Variants in HCFC2 observed in about 807,000 individuals in gnomAD.
The protein encoded by HCFC2 is host cell factor C2.
Under a neutral mutation model 89.2 loss-of-function variants are expected in HCFC2, and 18 were observed. The observed-to-expected ratio is 0.20, with a 90% confidence interval of 0.14 to 0.30. HCFC2 has a LOEUF of 0.30. Among genes scored for constraint, HCFC2 ranks in the 10% least tolerant of loss-of-function variants. The pLI, the probability that HCFC2 is intolerant of heterozygous loss-of-function variation, is 1.00. For missense variants in HCFC2, 578 were observed against 956.1 expected (o/e 0.60, Z 5.21); for synonymous variants, 308 against 335.7 (o/e 0.92, Z 0.90).
At position 104,090,268 on chromosome 12, in the gene HCFC2, A is replaced by G. The variant is rs538043891; in HGVS notation, c.1284+2230A>G. Reference sequence around the variant, plus strand: ...TCAGAAATTTATAGGCATTTTTTCTAGTGTCTTTTAGCATTCGGTGTTGGT... The same window carrying G: ...TCAGAAATTTATAGGCATTTTTTCTGGTGTCTTTTAGCATTCGGTGTTGGT... On this transcript the variant is annotated intron_variant, in intron 9 of 14. Coordinates refer to ENST00000229330, the MANE Select transcript of HCFC2 (RefSeq NM_013320.3). 3.9e-5 allele frequency among the ~76,000 whole-genome samples: 6 copies of G among 152,250 alleles called. No individual in the cohort carries two copies. The East Asian group carries it at 7.7e-4, about 20-fold the overall frequency.
At chr12:104,088,564 C>T (rs1210323158) in intron 9 of HCFC2, among the ~76,000 whole-genome samples, 2 of 152,142 alleles carry the variant, frequency 1.3e-5, no homozygotes, top group Non-Finnish European at 2.9e-5. Context: ...TAGAGACTAA[C>T]GAATATGCTT....
In HCFC2 at chr12:104,103,991, A is replaced by G. The variant is rs2030021752; in HGVS notation, c.*718A>G. 2 of 152,066 alleles carry G rather than the reference A, an allele frequency of 1.3e-5. No individual in the cohort carries two copies. The highest frequency in any genetic ancestry group is 2.1e-4 in the South Asian group (1 of 4,836). 9.4% of individuals were successfully genotyped at this position (152,066 alleles called of 1,614,324 possible). A position where few individuals can be genotyped will look rare whatever the true frequency, so the allele number is the denominator to read the frequency against. ...AACTTATCTGGCCCTCATTTTCCTC[A>G]TAACAGATGAGGGAGTTAAAGCAGT... On this transcript the variant is annotated 3_prime_UTR_variant, in exon 15 of 15. Transcript: ENST00000229330.
At chr12:104,099,617 T>A (rs2466554) in intron 13 of HCFC2, among the ~76,000 whole-genome samples, 29,222 of 144,376 alleles carry the variant, frequency 0.2, 3,211 homozygotes, top group East Asian at 0.41. Flanking sequence ...TCTCTAAATT[T>A]AAAAAAAAAA....
At position 104,103,896 on chromosome 12, in the gene HCFC2, A is replaced by G. The variant is rs1367125481; in HGVS notation, c.*623A>G. On this transcript the variant is annotated 3_prime_UTR_variant, in exon 15 of 15. Transcript: ENST00000229330. ...TTTCCAAGAATCATGGTAAAATACA[A>G]CAAGAACAATGAGTTTTCTTGATTC... is the stretch of plus-strand genomic sequence containing the variant. The G allele has an allele frequency of 6.6e-6, 1 of 152,112 alleles. No individual in the cohort carries two copies. The highest frequency in any genetic ancestry group is 2.4e-5 in the African/African-American group (1 of 41,454). The allele number at this position is 152,112 out of a possible 1,614,324, so 9.4% of individuals were successfully genotyped here.
At chr12:104,102,793 A>C (rs1242491222) in intron 14 of HCFC2, among the ~76,000 whole-genome samples, 166 bp from the exon 15 acceptor site, 1 of 152,190 alleles carries the variant, frequency 6.6e-6, no homozygotes, top group Non-Finnish European at 1.5e-5. Context: ...AACATTGTAG[A>C]TCCAAATGAG....
At chr12:104,073,110 C>T (rs117837007) in intron 3 of HCFC2, among the ~76,000 whole-genome samples, 6 of 148,250 alleles carry the variant, frequency 4.0e-5, no homozygotes, top group Non-Finnish European at 8.9e-5. Context: ...CTTAGGAGTT[C>T]TTTACATATA....
At chr12:104,069,072 G>A (rs1327259535) in intron 3 of HCFC2, among the ~76,000 whole-genome samples, 1 of 152,034 alleles carries the variant, frequency 6.6e-6, no homozygotes. Flanking sequence ...TTGGGAAGCC[G>A]AGGTGGGTGG....
rs1016443063 is a variant in HCFC2 at position 104,098,245 on chromosome 12, A to G, written c.1741-98A>G. On this transcript the variant is annotated intron_variant, in intron 12 of 14. Coordinates refer to ENST00000229330, the MANE Select transcript of HCFC2 (RefSeq NM_013320.3). ...TTGTTAATGTTGTGGTGTTTATCCA[A>G]ATACCTACTTGTAGATCACTGCATG... 8 of 894,388 alleles carry G rather than the reference A, an allele frequency of 8.9e-6. No homozygotes were observed. The African/African-American group carries it at 1.4e-4, about 15-fold the overall frequency. 55.4% of individuals were successfully genotyped at this position (894,388 alleles called of 1,614,324 possible).
intron 7 of HCFC2, among the ~76,000 whole-genome samples, chr12:104,084,752 C>T (rs1347125548): frequency 2.6e-5 from 4 of 152,026 alleles, no homozygotes; most frequent in Admixed American, 2.0e-4. Flanking sequence ...GTCAAAAAAG[C>T]GTTTTAGACT....
At chr12:104,074,977 A>G (rs529410445) in intron 3 of HCFC2, among the ~76,000 whole-genome samples, 6 of 152,226 alleles carry the variant, frequency 3.9e-5, no homozygotes, top group African/African-American at 1.4e-4. Flanking sequence ...GTATTGATCT[A>G]TTTAGGTTTT....
At chr12:104,070,898 G>A (rs1883302202) in intron 3 of HCFC2, among the ~76,000 whole-genome samples, 1 of 147,298 alleles carries the variant, frequency 6.8e-6, no homozygotes, top group African/African-American at 2.5e-5. Context: ...TCCGCCTCCC[G>A]GGTTCACGCC....
intron 14 of HCFC2, 23 bp downstream of exon 14, chr12:104,102,176 G>A: frequency 1.3e-6 from 2 of 1,589,156 alleles, no homozygotes; most frequent in East Asian, 4.5e-5. Flanking sequence ...GTCAAGACTT[G>A]TTGGTGATTT....
intron 8 of HCFC2, among the ~76,000 whole-genome samples, chr12:104,087,409 ACGTGTGTGTGTG>A (rs1315001904): frequency 1.9e-4 from 10 of 52,210 alleles, no homozygotes; most frequent in African/African-American, 6.2e-4. Flanking sequence ...ATACTGCAGT[ACGTGTGTGTGTG>A]TGTGTGTGTG....
intron 13 of HCFC2, among the ~76,000 whole-genome samples, chr12:104,100,703 C>T (rs1034840184): frequency 9.2e-5 from 14 of 152,058 alleles, no homozygotes; most frequent in Non-Finnish European, 1.5e-4. Flanking sequence ...ATTTTAGTTG[C>T]TCTACTATTA....
chr12:104,072,929 C>CTTA (rs1310024874), intron 3 of HCFC2, among the ~76,000 whole-genome samples: 1 of 151,988 alleles, frequency 6.6e-6, no homozygotes, highest in African/African-American at 2.4e-5. Flanking sequence ...CAGGTGTGAG[C>CTTA]CACCGCACCC....
Position 104,093,010 on chromosome 12 carries a change from T to G in HCFC2, c.1285-376T>G, listed in dbSNP as rs527533566. Among the ~76,000 whole-genome samples the G allele has an allele frequency of 2.0e-5, 3 of 152,328 alleles. No homozygotes were observed. In the South Asian group the frequency reaches 6.2e-4, roughly 32 times the overall value. ...AGATTTTACTTTTGTAGTTATCATA[T>G]TTTTAGGATACATGTCTGCCCTTTA... On this transcript the variant is annotated intron_variant, in intron 9 of 14. Transcript: ENST00000229330.
At position 104,103,573 on chromosome 12, in the gene HCFC2, C is replaced by A; in HGVS notation, c.*300C>A. The A allele has an allele frequency of 3.3e-6, 1 of 300,982 alleles. No homozygotes were observed. Among genetic ancestry groups the A allele is most frequent in the South Asian group, 4.6e-5 (1 of 21,876 alleles). 18.6% of individuals were successfully genotyped at this position (300,982 alleles called of 1,614,324 possible). A position where few individuals can be genotyped will look rare whatever the true frequency, so the allele number is the denominator to read the frequency against. On this transcript the variant is annotated 3_prime_UTR_variant, in exon 15 of 15. Coordinates refer to ENST00000229330, the MANE Select transcript of HCFC2 (RefSeq NM_013320.3). ...ATTACCCCAATATCTTTTATAAGGG[C>A]TGTGTAACCCAGTCATCCTAGAGTT... is the stretch of plus-strand genomic sequence containing the variant.
rs1204424729 is a variant in HCFC2 at position 104,095,434 on chromosome 12, G to C, written c.1537G>C (p.Val513Leu). 1 of 1,613,470 alleles carries C rather than the reference G, an allele frequency of 6.2e-7. No individual in the cohort carries two copies. Among genetic ancestry groups the C allele is most frequent in the Non-Finnish European group, 8.5e-7 (1 of 1,179,664 alleles). Reference sequence around the variant, plus strand: ...AAGAACAGTAATTCCTGAAACATCTGTATCCAGTACTGTTTCCAGCACACA... The same window carrying C: ...AAGAACAGTAATTCCTGAAACATCTCTATCCAGTACTGTTTCCAGCACACA... ...DVRTVIPETS[V>L]SSTVSSTQTM... Residue 513 changes from valine to leucine, a missense_variant, in exon 11 of 15, where the codon GTA (valine) becomes CTA (leucine). Val to Leu is a conservative substitution (Grantham distance 32). Transcript: ENST00000229330. The surrounding 1 kb of genome is among the most constrained non-coding windows in gnomAD (Gnocchi z 4.2).
chr12:104,101,888 T>C, intron 13 of HCFC2, 80 bp from the exon 14 acceptor site: 1 of 887,380 alleles, frequency 1.1e-6, no homozygotes, highest in South Asian at 3.4e-5. Context: ...TTTTTTTGTT[T>C]AATAAAAATT....
Sources: gnomAD v4.1 joint callset for allele counts (sites outside exome capture counted in the v4.1 genomes callset) on GRCh38, gnomAD v4.1.1 for gene constraint, Gnocchi (gnomAD v3.1) non-coding constraint, MANE v1.5 for transcripts, NCBI Gene and HGNC (gene_info 2026-07-23, HGNC 2026-07-21) for gene names.